The following HS2ST1 variants were observed in gnomAD, a reference collection of about 807,000 sequenced individuals.
HS2ST1 encodes the protein 2-O-sulfotransferase.
A neutral mutation model predicts 42.9 loss-of-function variants in HS2ST1; 18 were observed. The ratio of observed to expected loss-of-function variants is 0.42; its 90% CI spans 0.29 to 0.62. HS2ST1 has a LOEUF of 0.62. Among genes scored for constraint, HS2ST1 ranks in the 20% least tolerant of loss-of-function variants. The probability of loss-of-function intolerance (pLI) is 0.21; values close to 1 mark genes in which losing one functional copy is unlikely to be tolerated. For missense variants in HS2ST1, 334 were observed against 433.8 expected, an observed-to-expected ratio of 0.77 and a Z score of 2.04; for synonymous variants, 146 against 152.9, an observed-to-expected ratio of 0.95 and a Z score of 0.33.
chr1:86,965,198 G>T (rs1648009015), intron 1 of HS2ST1, among the ~76,000 whole-genome samples: 1 of 152,094 alleles, frequency 6.6e-6, no homozygotes, highest in Non-Finnish European at 1.5e-5. Flanking sequence ...GGCATTTTGT[G>T]CCTGGTACTT....
At chr1:87,079,284 T>G (rs987223062) in intron 2 of HS2ST1, among the ~76,000 whole-genome samples, 9 of 152,038 alleles carry the variant, frequency 5.9e-5, no homozygotes, top group African/African-American at 2.2e-4. Context: ...ATTACAGGCA[T>G]GAGCCACCAC....
intron 1 of HS2ST1, among the ~76,000 whole-genome samples, chr1:86,985,489 TATATATACAC>T (rs1385258702): frequency 2.2e-5 from 2 of 91,966 alleles, no homozygotes; most frequent in African/African-American, 7.6e-5. Context: ...TATATACACA[TATATATACAC>T]ATATATACAC....
chr1:86,997,663 G>A (rs1649146559), intron 1 of HS2ST1, among the ~76,000 whole-genome samples: 1 of 152,122 alleles, frequency 6.6e-6, no homozygotes, highest in African/African-American at 2.4e-5. Context: ...TGGGGAATAT[G>A]TTCTAAGACC....
chr1:86,966,319 T>A (rs1359469581), intron 1 of HS2ST1, among the ~76,000 whole-genome samples: 1 of 152,184 alleles, frequency 6.6e-6, no homozygotes, highest in Non-Finnish European at 1.5e-5. Context: ...TTTCCTCTCT[T>A]CTGTGTTTCT....
chr1:87,059,577 G>A (rs1038443817), intron 1 of HS2ST1, among the ~76,000 whole-genome samples: 62 of 152,264 alleles, frequency 4.1e-4, no homozygotes, highest in African/African-American at 1.3e-3. Flanking sequence ...TTGTATCAGC[G>A]TACTTATTTC....
intron 5 of HS2ST1, among the ~76,000 whole-genome samples, chr1:87,100,658 G>A (rs1440868725): frequency 2.6e-5 from 4 of 152,178 alleles, no homozygotes; most frequent in Non-Finnish European, 4.4e-5. Flanking sequence ...TTTCCAGTGG[G>A]AGTGGTTGCT....
In HS2ST1 at chr1:87,081,976, AAAAAAAAAG is replaced by A. The variant is rs1285725853; in HGVS notation, c.364-2200_364-2192del. On this transcript the variant is annotated intron_variant, in intron 2 of 6. Transcript: ENST00000370550. Reference sequence around the variant, plus strand: ...CGACAGCAAGACTCCGTCTCAAAAAAAAAAAAAAGAAAAAAAAGAAAAAAAAAGAAGGTT... The same window carrying A: ...CGACAGCAAGACTCCGTCTCAAAAAAAAAAAAAAGAAAAAAAAAGAAGGTT... Among the ~76,000 whole-genome samples the A allele has an allele frequency of 2.1e-3, 320 of 151,356 alleles. 2 individuals are homozygous for A. The highest frequency in any genetic ancestry group is 7.2e-3 in the African/African-American group (295 of 41,174).
intron 1 of HS2ST1, among the ~76,000 whole-genome samples, chr1:86,941,348 C>T (rs963342705): frequency 2.0e-5 from 3 of 148,066 alleles, no homozygotes; most frequent in African/African-American, 7.9e-5. Flanking sequence ...AGTTTTTATT[C>T]TTGGGGAGGG....
chr1:87,046,185 G>A (rs527460385), intron 1 of HS2ST1: 10 of 841,132 alleles, frequency 1.2e-5, no homozygotes, highest in Non-Finnish European at 1.4e-5. Context: ...GGCAGCTGTT[G>A]TTCCTCTTAT....
chr1:87,005,723 T>G (rs1037922851), intron 1 of HS2ST1, among the ~76,000 whole-genome samples: 2 of 152,176 alleles, frequency 1.3e-5, no homozygotes, highest in African/African-American at 4.8e-5. Context: ...TAAATTATAA[T>G]TACATAGTGA....
intron 1 of HS2ST1, among the ~76,000 whole-genome samples, chr1:87,025,924 C>T (rs960396332): frequency 2.0e-5 from 3 of 152,124 alleles, no homozygotes; most frequent in Admixed American, 2.0e-4. Flanking sequence ...AGTGTGGCTT[C>T]AGTTTCTTGC....
chr1:86,953,614 G>T (rs1647587591), intron 1 of HS2ST1, among the ~76,000 whole-genome samples: 1 of 152,074 alleles, frequency 6.6e-6, no homozygotes, highest in Non-Finnish European at 1.5e-5. Context: ...ACAAAAATTA[G>T]CTGGGCATGG....
intron 1 of HS2ST1, among the ~76,000 whole-genome samples, chr1:86,958,107 A>G (rs961371270): frequency 6.6e-6 from 1 of 152,102 alleles, no homozygotes; most frequent in Non-Finnish European, 1.5e-5. Flanking sequence ...GTTTATATAT[A>G]GGTAGCTACA....
chr1:87,007,580 T>G (rs969635407), intron 1 of HS2ST1, among the ~76,000 whole-genome samples: 8 of 152,274 alleles, frequency 5.3e-5, no homozygotes, highest in Middle Eastern at 3.4e-3. Context: ...ACTTCATACC[T>G]GTTACTTTCT....
chr1:86,974,271 T>G (rs1330581635), intron 1 of HS2ST1, among the ~76,000 whole-genome samples: 3 of 152,138 alleles, frequency 2.0e-5, no homozygotes, highest in Non-Finnish European at 4.4e-5. Flanking sequence ...GGAGATTGAA[T>G]TAATAATCGA....
In HS2ST1 at chr1:87,057,949, A is replaced by G. The variant is rs115490644; in HGVS notation, c.125-14985A>G. Among the ~76,000 whole-genome samples the G allele has an allele frequency of 2.1e-3, 324 of 151,832 alleles. 14 individuals are homozygous for G. Among genetic ancestry groups the G allele is most frequent in the African/African-American group, 7.6e-3 (312 of 41,106 alleles). ...GAATAAAATAGGATTGTGGGAGAAT[A>G]AGTAGGCATCCTACTCCCTTCCTCC... On this transcript the variant is annotated intron_variant, in intron 1 of 6. Coordinates refer to ENST00000370550, the MANE Select transcript of HS2ST1 (RefSeq NM_012262.4).
At chr1:86,966,633 G>A (rs1378748669) in intron 1 of HS2ST1, among the ~76,000 whole-genome samples, 2 of 152,172 alleles carry the variant, frequency 1.3e-5, no homozygotes, top group East Asian at 3.8e-4. Flanking sequence ...GTTTGTTTGA[G>A]GTAGAGGTCT....
chr1:87,017,127 TTC>T (rs971891520), intron 1 of HS2ST1, among the ~76,000 whole-genome samples: 16 of 151,212 alleles, frequency 1.1e-4, no homozygotes, highest in African/African-American at 3.4e-4. Context: ...GTAGCAGCCT[TTC>T]TCTCTCTCTC....
At position 86,914,747 on chromosome 1, in the gene HS2ST1, T is replaced by C. The variant is rs919063246; in HGVS notation, c.-290T>C. ...GCGCGGGGGTCGGGGACTGAGGCAG[T>C]AGAGGGAGGCGAGAGCCCGGCAGCC... is the stretch of plus-strand genomic sequence containing the variant. On this transcript the variant is annotated 5_prime_UTR_variant, in exon 1 of 7. Coordinates refer to ENST00000370550, the MANE Select transcript of HS2ST1 (RefSeq NM_012262.4). The C allele has an allele frequency of 7.3e-5, 31 of 422,618 alleles. No individual in the cohort carries two copies. Among genetic ancestry groups the C allele is most frequent in the Non-Finnish European group, 1.2e-4 (29 of 233,424 alleles). 26.2% of individuals were successfully genotyped at this position (422,618 alleles called of 1,614,324 possible). A position where few individuals can be genotyped will look rare whatever the true frequency, so the allele number is the denominator to read the frequency against.
Sources: allele counts gnomAD v4.1 joint callset (sites outside exome capture counted in the v4.1 genomes callset), GRCh38; gene constraint gnomAD v4.1.1; transcripts MANE v1.5; gene names NCBI Gene and HGNC (gene_info 2026-07-23, HGNC 2026-07-21).